The following RELB variants were observed in gnomAD, a reference collection of about 807,000 sequenced individuals.
The protein encoded by RELB is transcription factor RelB.
In RELB, 14 loss-of-function variants were observed where a neutral mutation model predicts 55.4. That is an observed-to-expected ratio of 0.25 (90% CI 0.17 to 0.40). The LOEUF is 0.40. RELB is among the 10% of genes least tolerant of loss of function. The probability of loss-of-function intolerance (pLI) is 1.00; values close to 1 mark genes in which losing one functional copy is unlikely to be tolerated. For missense variants in RELB, 669 were observed against 830.7 expected (o/e 0.81, Z 2.39); for synonymous variants, 409 against 371.3 (o/e 1.10, Z -1.17).
chr19:45,031,700 T>C (rs866092792), intron 8 of RELB, among the ~76,000 whole-genome samples: 14 of 151,938 alleles, frequency 9.2e-5, no homozygotes, highest in South Asian at 6.2e-4. Context: ...CTCAGCCTCC[T>C]GAGTAGCTGG....
intron 1 of RELB, 89 bp from the exon 2 acceptor site, chr19:45,002,860 G>C: frequency 8.9e-7 from 1 of 1,122,188 alleles, no homozygotes; most frequent in Non-Finnish European, 1.3e-6. Flanking sequence ...GGAAGGGCTA[G>C]AAGAGGAAGG....
At chr19:45,002,545 G>C (rs112170101) in intron 1 of RELB, among the ~76,000 whole-genome samples, 6,322 of 152,152 alleles carry the variant, frequency 0.042, 265 homozygotes, top group African/African-American at 0.11. Context: ...TAGAGACGGG[G>C]TTTCACCATG....
intron 2 of RELB, chr19:45,008,714 C>T (rs377035433): frequency 8.6e-6 from 3 of 350,080 alleles, no homozygotes; most frequent in African/African-American, 4.3e-5. Context: ...GATCTAGCAG[C>T]GGAACAGGTT....
rs915903236 is a variant in RELB at position 45,022,142 on chromosome 19, C to T, written c.594C>T (p.Leu198=). 31 of 1,612,914 alleles carry T rather than the reference C, an allele frequency of 1.9e-5. No homozygotes were observed. The highest frequency in any genetic ancestry group is 7.7e-5 in the South Asian group (7 of 91,030). The change falls in exon 5 of 12, where the codon CTC becomes CTT. Residue 198 remains leucine, a synonymous_variant. Transcript: ENST00000221452. Reference sequence around the variant, plus strand: ...CTCACCGAGTCCACCCCCACAGCCTCGTGGGGAAAGACTGCACCGACGGCA... The same window carrying T: ...CTCACCGAGTCCACCCCCACAGCCTTGTGGGGAAAGACTGCACCGACGGCA... ...DWPHRVHPHS[L]VGKDCTDGIC... is the part of the protein sequence containing the mutation.
In RELB at chr19:45,027,181, C is replaced by G. The variant is rs963543342; in HGVS notation, c.886+1444C>G. Among the ~76,000 whole-genome samples, 6 of 145,748 alleles carry G rather than the reference C, an allele frequency of 4.1e-5. No homozygotes were observed. The East Asian group carries it at 1.2e-3, about 29-fold the overall frequency. On this transcript the variant is annotated intron_variant, in intron 7 of 11. Coordinates refer to ENST00000221452, the MANE Select transcript of RELB (RefSeq NM_006509.4). ...CCTGGAGGCGGAGCTTGCAGTGAGC[C>G]GAGATCGCACCACTGCACTCCAGCC...
chr19:45,009,787 C>G (rs369675990), intron 2 of RELB, 27 bp from the exon 3 acceptor site: 131 of 1,593,802 alleles, frequency 8.2e-5, no homozygotes, highest in Middle Eastern at 4.9e-4. Context: ...CCTTACCTTT[C>G]TCTTTCTCTT....
At chr19:45,003,499 A>T (rs1209959337) in intron 2 of RELB, 6 of 451,896 alleles carry the variant, frequency 1.3e-5, no homozygotes, top group Non-Finnish European at 2.1e-5. Flanking sequence ...AAAAAAAAAA[A>T]GCGTGACAGG....
intron 3 of RELB, 64 bp from the exon 4 acceptor site, chr19:45,011,872 C>CT (rs368731996): frequency 0.028 from 22,143 of 786,774 alleles, 9 homozygotes; most frequent in South Asian, 0.04. Flanking sequence ...GTAATCAAGC[C>CT]TTTTTTTTTT....
At chr19:45,036,905 G>A (rs1282769215) in intron 11 of RELB, among the ~76,000 whole-genome samples, 1 of 152,072 alleles carries the variant, frequency 6.6e-6, no homozygotes, top group Non-Finnish European at 1.5e-5. Context: ...GATTACAGGT[G>A]TGAACCACCA....
intron 6 of RELB, 51 bp downstream of exon 6, chr19:45,025,471 C>A: frequency 1.3e-6 from 2 of 1,569,832 alleles, no homozygotes; most frequent in Non-Finnish European, 1.7e-6. Context: ...AACCCCTTGA[C>A]TTCCGTGCTC....
Position 45,022,114 on chromosome 19 carries a change from G to C in RELB, c.566G>C (p.Trp189Ser). ...ACTGCCTGCCTGGTGTGGAAGGACT[G>C]GCCTCACCGAGTCCACCCCCACAGC... ...EVTACLVWKD[W>S]PHRVHPHSLV... The change falls in exon 5 of 12, where the codon TGG (tryptophan) becomes TCG (serine). Residue 189 changes from tryptophan (W) to serine (S), a missense_variant. By Grantham distance (177) the Trp-to-Ser change is radical (BLOSUM62 -3). Coordinates refer to ENST00000221452, the MANE Select transcript of RELB (RefSeq NM_006509.4). 1 of 1,613,552 alleles carries C rather than the reference G, an allele frequency of 6.2e-7. No homozygotes were observed. The highest frequency in any genetic ancestry group is 2.2e-5 in the East Asian group (1 of 44,860).
At chr19:45,011,490 T>G (rs991605772) in intron 3 of RELB, among the ~76,000 whole-genome samples, 2 of 151,814 alleles carry the variant, frequency 1.3e-5, no homozygotes, top group Non-Finnish European at 2.9e-5. Context: ...GGAGTCTCAC[T>G]CTGTCGCCCA....
At position 45,012,121 on chromosome 19, in the gene RELB, C is replaced by T; in HGVS notation, c.349C>T (p.Pro117Ser). 6.4e-7 allele frequency: 1 copy of T among 1,556,402 alleles called. No homozygotes were observed. The highest frequency in any genetic ancestry group is 8.6e-7 in the Non-Finnish European group (1 of 1,159,894). The change falls in exon 4 of 12, where the codon CCA (proline) becomes TCA (serine). Residue 117 changes from proline (P) to serine (S), a missense_variant. Physicochemically the swap from Pro to Ser is moderately conservative, Grantham distance 74. Coordinates refer to ENST00000221452, the MANE Select transcript of RELB (RefSeq NM_006509.4). ...WGCPLGRLVSPAPGPGPQPHL... is the reference protein window; with the variant it reads ...WGCPLGRLVSSAPGPGPQPHL... Reference sequence around the variant, plus strand: ...CTGCCCCCTGGGCCGACTAGTGTCCCCAGCGCCGGGCCCGGGCCCGCAGCC... The same window carrying T: ...CTGCCCCCTGGGCCGACTAGTGTCCTCAGCGCCGGGCCCGGGCCCGCAGCC...
chr19:45,014,884 C>G (rs1287601830), intron 4 of RELB, among the ~76,000 whole-genome samples: 1 of 146,596 alleles, frequency 6.8e-6, no homozygotes, highest in Non-Finnish European at 1.5e-5. Flanking sequence ...AATGACCTGT[C>G]TCCAAATCTG....
chr19:45,019,688 T>A (rs1971460148), intron 4 of RELB, among the ~76,000 whole-genome samples: 2 of 152,290 alleles, frequency 1.3e-5, no homozygotes, highest in South Asian at 4.1e-4. Flanking sequence ...TGTATTTATT[T>A]ATTTTTTGAG....
At chr19:45,004,415 G>A (rs964793393) in intron 2 of RELB, among the ~76,000 whole-genome samples, 1 of 147,036 alleles carries the variant, frequency 6.8e-6, no homozygotes. Flanking sequence ...GTAGAGACAG[G>A]GTTTCTCCAT....
chr19:45,033,542 G>A (rs910474376), intron 9 of RELB, among the ~76,000 whole-genome samples: 19 of 151,110 alleles, frequency 1.3e-4, no homozygotes, highest in Non-Finnish European at 2.4e-4. Context: ...AAAATTAGCC[G>A]GGCGTGGTGG....
At chr19:45,008,755 C>T (rs138271324) in intron 2 of RELB, 17 of 328,054 alleles carry the variant, frequency 5.2e-5, no homozygotes, top group African/African-American at 3.4e-4. Flanking sequence ...CAGAGACCAG[C>T]GCAGGCAGCC....
intron 4 of RELB, among the ~76,000 whole-genome samples, chr19:45,020,308 C>T (rs1971468128): frequency 6.6e-6 from 1 of 151,352 alleles, no homozygotes; most frequent in African/African-American, 2.4e-5. Context: ...ATTGCAACTT[C>T]CACGTCTCAG....
Sources: gnomAD v4.1 joint callset for allele counts (sites outside exome capture counted in the v4.1 genomes callset) on GRCh38, gnomAD v4.1.1 for gene constraint, MANE v1.5 for transcripts, NCBI Gene and HGNC (gene_info 2026-07-23, HGNC 2026-07-21) for gene names.